PLN: variants seen among roughly 807,000 people sequenced by gnomAD.
PLN encodes phospholamban.
PLN carries 1 observed loss-of-function variant against 3.9 expected under a neutral mutation model. The observed-to-expected ratio is 0.26, with a 90% CI of 0.09 to 1.23. The LOEUF (loss-of-function observed/expected upper bound fraction) is 1.23. Among genes scored for constraint, PLN ranks in the 50% most tolerant of loss-of-function variants. PLN has a pLI of 0.48. For synonymous variants in PLN, 21 were observed against 20.5 expected, an observed-to-expected ratio of 1.02 and a Z score of -0.07; for missense variants, 59 against 62.7, an observed-to-expected ratio of 0.94 and a Z score of 0.20.
At chr6:118,558,351 G>A (rs1251550706) in intron 1 of PLN, among the ~76,000 whole-genome samples, 5 of 152,088 alleles carry the variant, frequency 3.3e-5, no homozygotes, top group African/African-American at 1.2e-4. Flanking sequence ...GAAGTTTGGT[G>A]ATGTTTTTGT....
Position 118,561,508 on chromosome 6 carries a change from T to C in PLN, c.*2428T>C, listed in dbSNP as rs564579063. 2.6e-5 allele frequency among the ~76,000 whole-genome samples: 4 copies of C among 152,246 alleles called. No individual in the cohort carries two copies. Among genetic ancestry groups the C allele is most frequent in the South Asian group, 2.1e-4 (1 of 4,828 alleles). On this transcript the variant is annotated 3_prime_UTR_variant, in exon 2 of 2. Coordinates refer to ENST00000357525, the MANE Select transcript of PLN (RefSeq NM_002667.5). ...TCATCATAAAGTGTAAAGAATAAGA[T>C]ATAAGAAAACAATTTATTTTTAAAA...
rs541733168 is a variant in PLN, at chr6:118,550,723, C to A, written c.-98+2331C>A. On this transcript the variant is annotated intron_variant, in intron 1 of 1. Transcript: ENST00000357525. The stretch of plus-strand genomic sequence containing the variant: ...GCATGGCTTAAAGTAAACCATGACA[C>A]TGACAAACAAAATTTGAAAGCCCCC... 2.6e-5 allele frequency among the ~76,000 whole-genome samples: 4 copies of A among 151,956 alleles called. 1 individual carries two copies. Among genetic ancestry groups the A allele is most frequent in the African/African-American group, 9.6e-5 (4 of 41,532 alleles).
intron 1 of PLN, among the ~76,000 whole-genome samples, chr6:118,553,493 A>G (rs17080321): frequency 0.011 from 1,693 of 152,318 alleles, 42 homozygotes; most frequent in African/African-American, 0.039. Context: ...ACTGTAAAAA[A>G]TTGAGCCCAA....
rs890678760 is a variant in PLN at position 118,560,836 on chromosome 6, G to C, written c.*1756G>C. ...TATTCACCAAACTTTGGTAATTTAA[G>C]TTGACTAAAGTTTAAAATTAAGTCT... On this transcript the variant is annotated 3_prime_UTR_variant, in exon 2 of 2. Transcript: ENST00000357525. The C allele has an allele frequency of 6.5e-6, 1 of 152,866 alleles. No individual in the cohort carries two copies. Among genetic ancestry groups the C allele is most frequent in the South Asian group, 2.1e-4 (1 of 4,826 alleles). The allele number at this position is 152,866 out of a possible 1,614,324, so 9.5% of individuals were successfully genotyped here.
At chr6:118,552,222 C>T (rs1778589466) in intron 1 of PLN, among the ~76,000 whole-genome samples, 1 of 151,914 alleles carries the variant, frequency 6.6e-6, no homozygotes, top group South Asian at 2.1e-4. Flanking sequence ...AGGAGAAAAG[C>T]AAAATTCTAA....
chr6:118,550,850 GCATAGCATTA>G (rs776141080), intron 1 of PLN, among the ~76,000 whole-genome samples: 12 of 151,746 alleles, frequency 7.9e-5, no homozygotes, highest in Non-Finnish European at 1.2e-4. Flanking sequence ...TTCAATTTAT[GCATAGCATTA>G]CATTCTTAAT....
intron 1 of PLN, among the ~76,000 whole-genome samples, chr6:118,558,372 A>T (rs767915063): frequency 6.6e-6 from 1 of 152,162 alleles, no homozygotes; most frequent in Non-Finnish European, 1.5e-5. Context: ...GACCAGAAAT[A>T]TGCTATAGGA....
At chr6:118,554,540 G>C (rs1056959877) in intron 1 of PLN, among the ~76,000 whole-genome samples, 1 of 152,092 alleles carries the variant, frequency 6.6e-6, no homozygotes, top group Non-Finnish European at 1.5e-5. Context: ...TACCAATTAT[G>C]CACTAAGTAC....
In PLN at chr6:118,559,416, C is replaced by G. The variant is rs1417971488; in HGVS notation, c.*336C>G. 2.3e-5 allele frequency: 8 copies of G among 340,730 alleles called. No individual in the cohort carries two copies. The highest frequency in any genetic ancestry group is 3.5e-5 in the Non-Finnish European group (6 of 170,242). The allele number at this position is 340,730 out of a possible 1,614,324, so 21.1% of individuals were successfully genotyped here. A position where few individuals can be genotyped will look rare whatever the true frequency, so the allele number is the denominator to read the frequency against. ...TTTAAAACTGCACTGCCAACAAGTT[C>G]ACTTCATATATAAAGCATTATTTTT... On this transcript the variant is annotated 3_prime_UTR_variant, in exon 2 of 2. Transcript: ENST00000357525.
In PLN at chr6:118,558,989, A is replaced by C; in HGVS notation, c.68A>C (p.Gln23Pro). The C allele has an allele frequency of 6.2e-7, 1 of 1,611,566 alleles. No individual in the cohort carries two copies. The highest frequency in any genetic ancestry group is 8.5e-7 in the Non-Finnish European group (1 of 1,177,656). ...GCCTCAACCATTGAAATGCCTCAAC[A>C]AGCACGTCAAAAGCTACAGAATCTA... ...RRASTIEMPQ[Q>P]ARQKLQNLFI... Residue 23 changes from glutamine to proline, a missense_variant, in exon 2 of 2, where the codon CAA becomes CCA. Coordinates refer to ENST00000357525, the MANE Select transcript of PLN (RefSeq NM_002667.5).
intron 1 of PLN, among the ~76,000 whole-genome samples, chr6:118,552,260 A>G (rs1333049599): frequency 6.6e-6 from 1 of 152,110 alleles, no homozygotes; most frequent in Non-Finnish European, 1.5e-5. Context: ...AATCCCAGGA[A>G]TTTATTATTT....
rs886061005 is a variant in PLN, at chr6:118,560,215, C to T, written c.*1135C>T. On this transcript the variant is annotated 3_prime_UTR_variant, in exon 2 of 2. Coordinates refer to ENST00000357525, the MANE Select transcript of PLN (RefSeq NM_002667.5). ...ATGGGGGTTAGGGGAGCTGACAATT[C>T]GTGGGTCCGCAAAATCTTAACTACC... 5 of 166,962 alleles carry T rather than the reference C, an allele frequency of 3.0e-5. No homozygotes were observed. Among genetic ancestry groups the T allele is most frequent in the Non-Finnish European group, 7.3e-5 (5 of 68,096 alleles). 10.3% of individuals were successfully genotyped at this position (166,962 alleles called of 1,614,324 possible). A position where few individuals can be genotyped will look rare whatever the true frequency, so the allele number is the denominator to read the frequency against.
chr6:118,558,656 CACACAGAGAGAG>C (rs1246407563), intron 1 of PLN, among the ~76,000 whole-genome samples, 157 bp from the exon 2 acceptor site: 22 of 133,944 alleles, frequency 1.6e-4, no homozygotes, highest in South Asian at 2.4e-4. Context: ...CACACACACA[CACACAGAGAGAG>C]AGAGAGAGAG....
chr6:118,559,253 T>C lies in PLN; in HGVS notation c.*173T>C, dbSNP rs180799194. On this transcript the variant is annotated 3_prime_UTR_variant, in exon 2 of 2. Transcript: ENST00000357525. ...TATTGTTACCATATGTATTCATCTG[T>C]TGGATCTTGTAAACATGAAAAGGGC... The C allele has an allele frequency of 9.1e-6, 6 of 662,246 alleles. No individual in the cohort carries two copies. In the East Asian group the frequency reaches 1.1e-4, roughly 12 times the overall value. The allele number at this position is 662,246 out of a possible 1,614,324, so 41.0% of individuals were successfully genotyped here.
At chr6:118,549,943 G>A (rs1232372998) in intron 1 of PLN, among the ~76,000 whole-genome samples, 1 of 151,816 alleles carries the variant, frequency 6.6e-6, no homozygotes. Flanking sequence ...ATATAATGTG[G>A]TAGTACCATA....
At chr6:118,554,271 A>G (rs745411463) in intron 1 of PLN, among the ~76,000 whole-genome samples, 35 of 152,146 alleles carry the variant, frequency 2.3e-4, no homozygotes, top group Non-Finnish European at 4.6e-4. Flanking sequence ...TGGGTGACAG[A>G]GCAAGACCCT....
At chr6:118,555,188 T>C (rs745502883) in intron 1 of PLN, among the ~76,000 whole-genome samples, 1 of 152,106 alleles carries the variant, frequency 6.6e-6, no homozygotes, top group Non-Finnish European at 1.5e-5. Context: ...TCCCAGCACT[T>C]TGGGAGGCCG....
At position 118,559,075 on chromosome 6, in the gene PLN, C is replaced by A. The variant is rs2114970391; in HGVS notation, c.154C>A (p.Leu52Ile). Residue 52 changes from leucine (L) to isoleucine (I), a missense_variant, in exon 2 of 2, where the codon CTC (leucine) becomes ATC (isoleucine). Leu to Ile is a conservative substitution (Grantham distance 5, BLOSUM62 2). Coordinates refer to ENST00000357525, the MANE Select transcript of PLN (RefSeq NM_002667.5). ...GCTGATCTGTATCATCGTGATGCTT[C>A]TCTGAAGTTCTGCTACAACCTCTAG... ...LLLICIIVML[L>I] is the part of the protein sequence containing the mutation. 5 of 1,610,016 alleles carry A rather than the reference C, an allele frequency of 3.1e-6. No homozygotes were observed. The highest frequency in any genetic ancestry group is 4.3e-6 in the Non-Finnish European group (5 of 1,176,258).
intron 1 of PLN, among the ~76,000 whole-genome samples, chr6:118,553,999 A>T (rs13192336): frequency 0.46 from 70,597 of 152,068 alleles, 16,902 homozygotes; most frequent in Middle Eastern, 0.58. Context: ...CATTATTTTT[A>T]AAATTGTTTA....
Sources: allele counts gnomAD v4.1 joint callset (sites outside exome capture counted in the v4.1 genomes callset), GRCh38; gene constraint gnomAD v4.1.1; transcripts MANE v1.5; gene names NCBI Gene and HGNC (gene_info 2026-07-23, HGNC 2026-07-21).